PYY: variants seen among roughly 807,000 people sequenced by gnomAD.
The protein encoded by PYY is peptide tyrosine tyrosine.
A neutral mutation model predicts 10.3 loss-of-function variants in PYY; 12 were observed. The observed-to-expected ratio is 1.17, with a 90% CI of 0.75 to 1.89. The LOEUF (loss-of-function observed/expected upper bound fraction) is 1.89, where lower values mean the gene tolerates loss of function less well. PYY is among the 40% of genes most tolerant of loss of function. The pLI, the probability that PYY is intolerant of heterozygous loss-of-function variation, is 0.00. For synonymous variants in PYY, 66 were observed against 62.0 expected (o/e 1.06, Z -0.30); for missense variants, 141 against 134.0 (o/e 1.05, Z -0.26).
intron 1 of PYY, among the ~76,000 whole-genome samples, chr17:44,001,887 C>G (rs1456201470): frequency 6.6e-6 from 1 of 152,198 alleles, no homozygotes; most frequent in Admixed American, 6.5e-5. Context: ...TGATGAAGAG[C>G]TGGCCTTGCA....
At chr17:43,960,804 C>T (rs2048707388) in intron 2 of PYY, among the ~76,000 whole-genome samples, 1 of 147,140 alleles carries the variant, frequency 6.8e-6, no homozygotes, top group Non-Finnish European at 1.5e-5. Flanking sequence ...GAGCTGAGAT[C>T]ATGCCACTGC....
chr17:43,979,705 A>G (rs2048870396), intron 1 of PYY, among the ~76,000 whole-genome samples: 1 of 150,954 alleles, frequency 6.6e-6, no homozygotes, highest in Admixed American at 6.6e-5. Flanking sequence ...TTATATATAT[A>G]ATTGCATATC....
intron 1 of PYY, among the ~76,000 whole-genome samples, chr17:43,975,583 G>A (rs117999408): frequency 0.048 from 7,292 of 151,470 alleles, 266 homozygotes; most frequent in Non-Finnish European, 0.071. Context: ...GCTGAGTATT[G>A]TAGCACGTGC....
At chr17:43,957,563 A>G (rs2143892971), upstream of PYY, among the ~76,000 whole-genome samples, 1 of 152,286 alleles carries the variant, frequency 6.6e-6, no homozygotes, top group African/African-American at 2.4e-5. Flanking sequence ...AGGCTATGGC[A>G]TGAGAATCAC....
At chr17:43,967,027 A>G (rs2048759586) in intron 1 of PYY, among the ~76,000 whole-genome samples, 1 of 152,168 alleles carries the variant, frequency 6.6e-6, no homozygotes, top group South Asian at 2.1e-4. Flanking sequence ...AAAAGGCCAG[A>G]CGCGGTGGCT....
intron 1 of PYY, among the ~76,000 whole-genome samples, chr17:43,975,203 C>A (rs1031013318): frequency 2.0e-5 from 3 of 152,168 alleles, no homozygotes; most frequent in Non-Finnish European, 2.9e-5. Flanking sequence ...ACCATCTGTT[C>A]TTAATGGTTT....
intron 1 of PYY, among the ~76,000 whole-genome samples, chr17:43,983,582 G>T (rs1341897517): frequency 6.6e-6 from 1 of 152,196 alleles, no homozygotes; most frequent in Non-Finnish European, 1.5e-5. Flanking sequence ...TGCCCTGGGG[G>T]CTCCCTCAAG....
chr17:43,996,189 C>T (rs1345532320), intron 1 of PYY, among the ~76,000 whole-genome samples: 1 of 152,140 alleles, frequency 6.6e-6, no homozygotes, highest in Non-Finnish European at 1.5e-5. Context: ...CTTGAAGCCT[C>T]CAGCTGCCCT....
chr17:43,965,761 C>A (rs192252831), intron 2 of PYY, among the ~76,000 whole-genome samples: 39 of 120,108 alleles, frequency 3.2e-4, no homozygotes, highest in African/African-American at 1.2e-3. Flanking sequence ...ACACTCCAGC[C>A]TGGGCAACAG....
At chr17:43,963,641 G>GAA (rs2048734835) in intron 2 of PYY, among the ~76,000 whole-genome samples, 1 of 140,812 alleles carries the variant, frequency 7.1e-6, no homozygotes, top group Non-Finnish European at 1.5e-5. Context: ...AGAAAGAAAA[G>GAA]AGAGAACAGA....
intron 1 of PYY, among the ~76,000 whole-genome samples, chr17:43,970,216 A>G (rs2143916606): frequency 1.3e-5 from 2 of 151,124 alleles, no homozygotes; most frequent in South Asian, 4.2e-4. Context: ...AAAAAAAAAA[A>G]AAAAAAAAAA....
At chr17:43,969,591 C>T (rs561455384) in intron 1 of PYY, among the ~76,000 whole-genome samples, 1 of 151,094 alleles carries the variant, frequency 6.6e-6, no homozygotes, top group East Asian at 1.9e-4. Context: ...TCAAAATCCA[C>T]TCACAATTAA....
intron 2 of PYY, among the ~76,000 whole-genome samples, chr17:43,959,395 T>C (rs2048696484): frequency 2.0e-5 from 3 of 152,136 alleles, no homozygotes; most frequent in Admixed American, 2.0e-4. Context: ...TAAAAACCAA[T>C]AAAAATAGGC....
rs550533311 is a variant in PYY, at chr17:43,968,894, G to T, written c.-462-2362C>A. On this transcript the variant is annotated intron_variant, in intron 1 of 6. Coordinates refer to the PYY transcript ENST00000360085. ...AGGCCAAGGCGGGTGGATCGCCTGA[G>T]GTCAGGAGTTTGAGATCAGCTTGAC... Among the ~76,000 whole-genome samples, 355 of 152,054 alleles carry T rather than the reference G, an allele frequency of 2.3e-3. 3 individuals carry two copies. Among genetic ancestry groups the T allele is most frequent in the African/African-American group, 7.9e-3 (327 of 41,472 alleles).
At chr17:43,966,504 AG>A (rs1303691835) in exon 2 of PYY, 1 of 152,296 alleles carries the variant, frequency 6.6e-6, no homozygotes, top group African/African-American at 2.4e-5. Flanking sequence ...TTCCTCATAA[AG>A]GGCTGAACTT....
At position 43,975,728 on chromosome 17, in the gene PYY, ATATAT is replaced by A. The variant is rs1567931535; in HGVS notation, c.-462-9201_-462-9197del. Among the ~76,000 whole-genome samples the A allele has an allele frequency of 5.3e-5, 4 of 75,648 alleles. 1 individual carries two copies. The highest frequency in any genetic ancestry group is 3.1e-3 in the East Asian group (2 of 642). The allele number at this position is 75,648 out of a possible 152,430, so 49.6% of individuals were successfully genotyped here. On this transcript the variant is annotated intron_variant, in intron 1 of 6. Transcript: ENST00000360085. ...GAGTAAGACCCTGAAAAAAAAAAAT[ATATAT>A]ATATATATATATACACACACACACA... is the stretch of plus-strand genomic sequence containing the variant.
chr17:43,962,756 T>G (rs1170561143), intron 2 of PYY, among the ~76,000 whole-genome samples: 1 of 152,162 alleles, frequency 6.6e-6, no homozygotes, highest in African/African-American at 2.4e-5. Context: ...ACCTGGAAAG[T>G]GCAATGGGCA....
chr17:44,001,790 G>A (rs946904578), intron 1 of PYY, among the ~76,000 whole-genome samples: 1 of 152,100 alleles, frequency 6.6e-6, no homozygotes, highest in Admixed American at 6.5e-5. Flanking sequence ...TACCAGTCCT[G>A]CCCTCAGGGA....
chr17:43,960,984 G>C (rs750434581), intron 2 of PYY, among the ~76,000 whole-genome samples: 17 of 151,966 alleles, frequency 1.1e-4, no homozygotes, highest in Non-Finnish European at 2.2e-4. Flanking sequence ...CACTTTGGGA[G>C]GCTGAGGCAG....
Sources: allele counts gnomAD v4.1 joint callset (sites outside exome capture counted in the v4.1 genomes callset), GRCh38; gene constraint gnomAD v4.1.1; transcripts MANE v1.5; gene names NCBI Gene and HGNC (gene_info 2026-07-23, HGNC 2026-07-21).